HECW2: variants seen among roughly 807,000 people sequenced by gnomAD.
HECW2 encodes E3 ubiquitin-protein ligase HECW2.
Under a neutral mutation model 175.2 loss-of-function variants are expected in HECW2, and 61 were observed. The ratio of observed to expected loss-of-function variants is 0.35; its 90% CI spans 0.28 to 0.43. HECW2 has a LOEUF of 0.43. Among genes scored for constraint, HECW2 ranks in the 20% least tolerant of loss-of-function variants. The pLI, the probability that HECW2 is intolerant of heterozygous loss-of-function variation, is 1.00. For missense variants in HECW2, 1,524 were observed against 2,000.5 expected, an observed-to-expected ratio of 0.76 and a Z score of 4.54; for synonymous variants, 671 against 731.0, an observed-to-expected ratio of 0.92 and a Z score of 1.32.
chr2:196,271,311 A>G (rs972486824), intron 16 of HECW2, 22 bp from the exon 17 acceptor site: 2 of 1,488,854 alleles, frequency 1.3e-6, no homozygotes, highest in African/African-American at 2.8e-5. Flanking sequence ...ATCAGAAAAG[A>G]CAACAATTTA....
intron 1 of HECW2, among the ~76,000 whole-genome samples, chr2:196,477,670 A>G (rs1341087500): frequency 6.6e-6 from 1 of 152,240 alleles, no homozygotes; most frequent in Non-Finnish European, 1.5e-5. Flanking sequence ...AAACTGACAG[A>G]AACATTCCAA....
intron 19 of HECW2, among the ~76,000 whole-genome samples, chr2:196,247,076 C>T (rs1217864495): frequency 1.3e-5 from 2 of 152,046 alleles, no homozygotes; most frequent in Non-Finnish European, 2.9e-5. Flanking sequence ...TCCTGGCCAA[C>T]ATGGTGAAAC....
At chr2:196,442,210 A>G (rs1696063092) in intron 1 of HECW2, among the ~76,000 whole-genome samples, 1 of 152,130 alleles carries the variant, frequency 6.6e-6, no homozygotes, top group Non-Finnish European at 1.5e-5. Context: ...TTTAATTAAA[A>G]CCTTCTTTGA....
At chr2:196,565,011 C>T (rs573531775) in intron 1 of HECW2, among the ~76,000 whole-genome samples, 39 of 147,126 alleles carry the variant, frequency 2.7e-4, no homozygotes, top group Admixed American at 2.5e-3. Flanking sequence ...GATAGTTAAA[C>T]GGAGCCTAGC....
intron 10 of HECW2, among the ~76,000 whole-genome samples, chr2:196,311,669 T>G (rs1691502657): frequency 1.3e-5 from 2 of 152,066 alleles, no homozygotes; most frequent in South Asian, 4.2e-4. Flanking sequence ...TGGTGGTGCA[T>G]GCCTGTAATC....
intron 28 of HECW2, among the ~76,000 whole-genome samples, chr2:196,213,755 A>G (rs1687373690): frequency 6.6e-6 from 1 of 152,236 alleles, no homozygotes; most frequent in African/African-American, 2.4e-5. Flanking sequence ...GAGTTAGCAC[A>G]TGAACTTCCT....
At chr2:196,537,200 T>C (rs951653697) in intron 1 of HECW2, among the ~76,000 whole-genome samples, 7 of 151,984 alleles carry the variant, frequency 4.6e-5, no homozygotes, top group African/African-American at 1.5e-4. Context: ...AACACTACAA[T>C]AGAGTTTCCA....
chr2:196,345,483 A>C (rs953300758), intron 2 of HECW2, among the ~76,000 whole-genome samples: 14 of 152,242 alleles, frequency 9.2e-5, no homozygotes, highest in Admixed American at 8.5e-4. Flanking sequence ...TTTTCCTAAT[A>C]AGAAAAGGAC....
chr2:196,511,895 T>C (rs1687964100), intron 1 of HECW2, among the ~76,000 whole-genome samples: 1 of 152,180 alleles, frequency 6.6e-6, no homozygotes, highest in Admixed American at 6.5e-5. Flanking sequence ...TTCAGGAACT[T>C]GGCACCCTTG....
chr2:196,247,989 A>C (rs540368914), intron 19 of HECW2, among the ~76,000 whole-genome samples: 11 of 152,394 alleles, frequency 7.2e-5, no homozygotes, highest in Middle Eastern at 3.4e-3. Flanking sequence ...GAATGAAAAC[A>C]AAACATCAAG....
At chr2:196,284,143 C>A (rs73044233) in intron 14 of HECW2, among the ~76,000 whole-genome samples, 1,985 of 152,224 alleles carry the variant, frequency 0.013, 41 homozygotes, top group African/African-American at 0.045. Flanking sequence ...ATGAGGCTGA[C>A]GGTAACAGCC....
At chr2:196,589,831 A>G (rs1691120659) in intron 1 of HECW2, among the ~76,000 whole-genome samples, 2 of 152,344 alleles carry the variant, frequency 1.3e-5, no homozygotes, top group South Asian at 4.1e-4. Context: ...AGCTCTAGAT[A>G]TATGGACAGG....
chr2:196,238,228 C>CA (rs569428150), intron 21 of HECW2, among the ~76,000 whole-genome samples: 16 of 151,984 alleles, frequency 1.1e-4, no homozygotes, highest in African/African-American at 1.9e-4. Context: ...GACTCTGTCT[C>CA]AAAAAACAAA....
At chr2:196,560,546 T>G (rs950478150) in intron 1 of HECW2, among the ~76,000 whole-genome samples, 6 of 152,236 alleles carry the variant, frequency 3.9e-5, no homozygotes, top group Non-Finnish European at 5.9e-5. Context: ...CATGTTCATT[T>G]TTTTGGATAA....
chr2:196,554,061 G>A (rs1277423800), intron 1 of HECW2, among the ~76,000 whole-genome samples: 5 of 152,284 alleles, frequency 3.3e-5, no homozygotes, highest in South Asian at 4.1e-4. Context: ...TTTTTGGGCC[G>A]GGCGCGGTGG....
At chr2:196,459,483 C>A (rs1696650405) in intron 1 of HECW2, among the ~76,000 whole-genome samples, 1 of 151,814 alleles carries the variant, frequency 6.6e-6, no homozygotes, top group African/African-American at 2.4e-5. Flanking sequence ...ACTGAACAGA[C>A]CCCCTGTTAG....
chr2:196,431,648 G>A (rs4850711), intron 2 of HECW2, among the ~76,000 whole-genome samples: 144,336 of 152,252 alleles, frequency 0.95, 68,514 homozygotes, highest in East Asian at 1. Context: ...TACATCTAAA[G>A]TCCCAACAAA....
intron 1 of HECW2, among the ~76,000 whole-genome samples, chr2:196,457,033 G>A (rs1249496622): frequency 6.6e-6 from 1 of 152,118 alleles, no homozygotes; most frequent in Non-Finnish European, 1.5e-5. Flanking sequence ...AAGCAAAGAA[G>A]GAGCATCCAA....
At chr2:196,311,742 A>C (rs1344832837) in intron 10 of HECW2, among the ~76,000 whole-genome samples, 2 of 152,170 alleles carry the variant, frequency 1.3e-5, no homozygotes, top group East Asian at 3.9e-4. Flanking sequence ...GGCTGTAGTG[A>C]GCTGAGATCA....
Sources: gnomAD v4.1 joint callset for allele counts (sites outside exome capture counted in the v4.1 genomes callset) on GRCh38, gnomAD v4.1.1 for gene constraint, MANE v1.5 for transcripts, NCBI Gene and HGNC (gene_info 2026-07-23, HGNC 2026-07-21) for gene names.